The following AFF3 variants were observed in gnomAD, a reference collection of about 807,000 sequenced individuals.
AFF3 encodes the protein AF4/FMR2 family member 3.
Under a neutral mutation model 129.7 loss-of-function variants are expected in AFF3, and 32 were observed. That is an observed-to-expected ratio of 0.25 (90% confidence interval 0.19 to 0.33). The LOEUF (loss-of-function observed/expected upper bound fraction) is 0.33, where lower values mean the gene tolerates loss of function less well. Among genes scored for constraint, AFF3 ranks in the 10% least tolerant of loss-of-function variants. The pLI, the probability that AFF3 is intolerant of heterozygous loss-of-function variation, is 1.00. For missense variants in AFF3, 1,373 were observed against 1,592.0 expected (o/e 0.86, Z 2.34); for synonymous variants, 644 against 635.4 (o/e 1.01, Z -0.20).
chr2:99,690,849 C>A (rs1675589870), intron 11 of AFF3, among the ~76,000 whole-genome samples: 1 of 150,538 alleles, frequency 6.6e-6, no homozygotes, highest in Admixed American at 6.6e-5. Flanking sequence ...AGTGGAGATC[C>A]CTTCTTTCTG....
chr2:99,699,714 T>C lies in AFF3; in HGVS notation c.1092-27125A>G, dbSNP rs142501175. On this transcript the variant is annotated intron_variant, in intron 11 of 24. Transcript: ENST00000672756. Reference sequence around the variant, plus strand: ...CACACAAAAGTGCAAAACAGGATTATGGGCATAGGGCATGGGCAATTTCAT... The same window carrying C: ...CACACAAAAGTGCAAAACAGGATTACGGGCATAGGGCATGGGCAATTTCAT... 8.3e-3 allele frequency among the ~76,000 whole-genome samples: 1,266 copies of C among 152,300 alleles called. 30 individuals are homozygous for C. Among genetic ancestry groups the C allele is most frequent in the Non-Finnish European group, 6.7e-3 (456 of 68,024 alleles).
At chr2:99,562,618 AGCAACTG>A (rs1675570992) in intron 20 of AFF3, among the ~76,000 whole-genome samples, 2 of 152,236 alleles carry the variant, frequency 1.3e-5, no homozygotes, top group Non-Finnish European at 1.5e-5. Flanking sequence ...AGATAATTGC[AGCAACTG>A]ATTCATCTTT....
intron 7 of AFF3, among the ~76,000 whole-genome samples, chr2:99,932,589 G>A (rs573790278): frequency 2.6e-5 from 4 of 152,140 alleles, no homozygotes; most frequent in South Asian, 2.1e-4. Context: ...GACGTCCTTC[G>A]CTCAGGGAGG....
intron 7 of AFF3, among the ~76,000 whole-genome samples, chr2:99,922,184 C>T (rs1040876811): frequency 6.6e-6 from 1 of 152,126 alleles, no homozygotes; most frequent in African/African-American, 2.4e-5. Flanking sequence ...AAAAGTTAAA[C>T]ACAAATCTAC....
At chr2:99,701,620 C>G (rs1676872430) in intron 11 of AFF3, among the ~76,000 whole-genome samples, 1 of 152,144 alleles carries the variant, frequency 6.6e-6, no homozygotes, top group Non-Finnish European at 1.5e-5. Context: ...AATGTCGAAA[C>G]CAGGAAACTG....
chr2:100,019,855 A>G (rs1476936372), intron 4 of AFF3, among the ~76,000 whole-genome samples: 1 of 151,720 alleles, frequency 6.6e-6, no homozygotes, highest in Non-Finnish European at 1.5e-5. Context: ...TCCCCAGGCT[A>G]ACTCTCCCAC....
chr2:99,650,948 T>C (rs1330802470), intron 12 of AFF3, among the ~76,000 whole-genome samples: 1 of 151,746 alleles, frequency 6.6e-6, no homozygotes, highest in Non-Finnish European at 1.5e-5. Flanking sequence ...CCCAGGCAGG[T>C]GGATCACCTG....
At chr2:99,787,373 C>T (rs934858721) in intron 8 of AFF3, among the ~76,000 whole-genome samples, 4 of 152,100 alleles carry the variant, frequency 2.6e-5, no homozygotes, top group African/African-American at 4.8e-5. Flanking sequence ...GTGACCCCCA[C>T]GTTAGGCATC....
At chr2:99,964,388 C>T (rs891119279) in intron 7 of AFF3, among the ~76,000 whole-genome samples, 5 of 152,076 alleles carry the variant, frequency 3.3e-5, no homozygotes, top group African/African-American at 1.2e-4. Context: ...TTTGAAAGAA[C>T]TAAAATCACA....
chr2:99,580,722 G>A (rs1269961092), intron 17 of AFF3: 2 of 159,156 alleles, frequency 1.3e-5, no homozygotes, highest in Middle Eastern at 2.8e-3. Flanking sequence ...GTGAAAACCC[G>A]TCTCTACTAA....
At chr2:99,894,362 GAGGAAGGGAAGAA>G (rs1220901153) in intron 7 of AFF3, among the ~76,000 whole-genome samples, 2 of 152,118 alleles carry the variant, frequency 1.3e-5, no homozygotes, top group Non-Finnish European at 1.5e-5. Flanking sequence ...AAAAAGGGAG[GAGGAAGGGAAGAA>G]AGGGAGGGAG....
intron 7 of AFF3, among the ~76,000 whole-genome samples, chr2:99,999,975 C>T: frequency 6.6e-6 from 1 of 152,176 alleles, no homozygotes. Context: ...CAGGAGTGTC[C>T]AGGCATGGTC....
intron 7 of AFF3, among the ~76,000 whole-genome samples, chr2:99,913,028 C>G (rs1695213479): frequency 6.6e-6 from 1 of 152,180 alleles, no homozygotes; most frequent in Admixed American, 6.5e-5. Flanking sequence ...CCTAGACTCA[C>G]AAGCCCTTTA....
intron 18 of AFF3, among the ~76,000 whole-genome samples, chr2:99,575,414 A>ATTTGTT: frequency 7.8e-6 from 1 of 127,454 alleles, no homozygotes; most frequent in Non-Finnish European, 1.6e-5. Flanking sequence ...TGCCTGGCTA[A>ATTTGTT]TTTTTTTTTT....
At chr2:100,139,545 G>C (rs76787545) in intron 1 of AFF3, among the ~76,000 whole-genome samples, 3,240 of 152,160 alleles carry the variant, frequency 0.021, 122 homozygotes, top group African/African-American at 0.075. Context: ...TTTTAGTGCA[G>C]ATAAAAACTA....
chr2:100,138,949 A>AAG (rs1401511678), intron 1 of AFF3, among the ~76,000 whole-genome samples: 1 of 151,166 alleles, frequency 6.6e-6, no homozygotes, highest in African/African-American at 2.4e-5. Flanking sequence ...TGTCTCAAAA[A>AAG]AAAAAAAAAA....
At chr2:99,710,678 C>A (rs1397283789) in intron 11 of AFF3, among the ~76,000 whole-genome samples, 4 of 152,148 alleles carry the variant, frequency 2.6e-5, no homozygotes, top group African/African-American at 4.8e-5. Context: ...AAGGTGAGTG[C>A]CTGCCTGAAT....
chr2:99,772,779 T>C (rs546847742), intron 8 of AFF3, among the ~76,000 whole-genome samples: 2 of 152,300 alleles, frequency 1.3e-5, no homozygotes, highest in South Asian at 2.1e-4. Context: ...TATCATTAAA[T>C]GAAGTTGAAC....
At chr2:99,944,920 CAGACTT>C (rs1219353387) in intron 7 of AFF3, among the ~76,000 whole-genome samples, 1 of 152,104 alleles carries the variant, frequency 6.6e-6, no homozygotes. Context: ...TTTTAAAAAA[CAGACTT>C]AGAGAAAATG....
Sources: gnomAD v4.1 joint callset for allele counts (sites outside exome capture counted in the v4.1 genomes callset) on GRCh38, gnomAD v4.1.1 for gene constraint, MANE v1.5 for transcripts, NCBI Gene and HGNC (gene_info 2026-07-23, HGNC 2026-07-21) for gene names.